EYS: variants seen among roughly 807,000 people sequenced by gnomAD.
The protein encoded by EYS is protein eyes shut homolog.
Under a neutral mutation model 282.1 loss-of-function variants are expected in EYS, and 250 were observed. The ratio of observed to expected loss-of-function variants is 0.89; its 90% CI spans 0.80 to 0.98. The LOEUF is 0.98. Ranked by LOEUF, EYS falls within the 50% of genes least tolerant of loss-of-function variation. EYS has a pLI of 0.00. For synonymous variants in EYS, 1,355 were observed against 1,282.9 expected (o/e 1.06, Z -1.20); for missense variants, 4,016 against 3,709.0 (o/e 1.08, Z -2.15).
At chr6:64,041,924 C>T (rs1477537731) in intron 33 of EYS, among the ~76,000 whole-genome samples, 1 of 152,100 alleles carries the variant, frequency 6.6e-6, no homozygotes, top group African/African-American at 2.4e-5. Flanking sequence ...AGGTTCTTTT[C>T]ACTCTCATCA....
At chr6:65,633,152 T>A (rs1484752686) in intron 2 of EYS, among the ~76,000 whole-genome samples, 1 of 152,226 alleles carries the variant, frequency 6.6e-6, no homozygotes, top group Non-Finnish European at 1.5e-5. Flanking sequence ...GAACTATCCA[T>A]CATAAGATTT....
intron 1 of EYS, among the ~76,000 whole-genome samples, chr6:65,667,308 C>T (rs1768233613): frequency 6.6e-6 from 1 of 151,858 alleles, no homozygotes; most frequent in African/African-American, 2.4e-5. Context: ...CCTTTGTTTA[C>T]AAAACTCATG....
intron 2 of EYS, among the ~76,000 whole-genome samples, chr6:65,521,855 T>C (rs1027987337): frequency 6.6e-6 from 1 of 152,168 alleles, no homozygotes; most frequent in South Asian, 2.1e-4. Context: ...ATATTCCCAG[T>C]GTCTCGTAGG....
Position 65,264,505 on chromosome 6 carries a change from G to T in EYS, c.2023+31358C>A, listed in dbSNP as rs183852383. 2.5e-3 allele frequency among the ~76,000 whole-genome samples: 375 copies of T among 152,120 alleles called. 1 individual carries two copies. Among genetic ancestry groups the T allele is most frequent in the Middle Eastern group, 0.024 (7 of 294 alleles). On this transcript the variant is annotated intron_variant, in intron 12 of 42. Transcript: ENST00000503581. ...CACCTCAGAATAGAAGTACTTCTTT[G>T]TCTCTCCTTAAATAATCAAAATTGT...
chr6:64,120,230 C>T (rs186603564), intron 31 of EYS, among the ~76,000 whole-genome samples: 1 of 151,144 alleles, frequency 6.6e-6, no homozygotes, highest in Admixed American at 6.6e-5. Flanking sequence ...GTGGCGGGCC[C>T]CTGTAGTCCC....
At chr6:64,284,521 G>T (rs2150362906) in intron 30 of EYS, among the ~76,000 whole-genome samples, 1 of 152,222 alleles carries the variant, frequency 6.6e-6, no homozygotes, top group African/African-American at 2.4e-5. Flanking sequence ...TCTGGGGTCT[G>T]GAGGATGACG....
chr6:63,894,628 C>T (rs1562083820), intron 35 of EYS, among the ~76,000 whole-genome samples: 1 of 151,800 alleles, frequency 6.6e-6, no homozygotes, highest in Non-Finnish European at 1.5e-5. Context: ...GTCGCCCAGG[C>T]TGGAGTGCAG....
chr6:63,810,782 C>T (rs1771027552), intron 36 of EYS, among the ~76,000 whole-genome samples: 1 of 152,174 alleles, frequency 6.6e-6, no homozygotes, highest in Non-Finnish European at 1.5e-5. Context: ...AAGTCACTTT[C>T]CCAGCCTCTA....
At chr6:64,296,246 T>G (rs1284398698) in intron 30 of EYS, among the ~76,000 whole-genome samples, 1 of 152,154 alleles carries the variant, frequency 6.6e-6, no homozygotes, top group Non-Finnish European at 1.5e-5. Flanking sequence ...TTTCTCCAAC[T>G]ACTTCAGCAA....
intron 12 of EYS, among the ~76,000 whole-genome samples, chr6:65,161,187 T>A (rs1161409362): frequency 6.6e-6 from 1 of 151,090 alleles, no homozygotes; most frequent in Non-Finnish European, 1.5e-5. Context: ...TCCCCCAGTA[T>A]ACTTGTTAAT....
intron 28 of EYS, among the ~76,000 whole-genome samples, chr6:64,431,738 C>A (rs937715675): frequency 3.3e-5 from 5 of 152,108 alleles, no homozygotes; most frequent in Non-Finnish European, 5.9e-5. Context: ...CATTTTCATA[C>A]CCAATTCTCA....
At chr6:64,108,026 C>T (rs1773089812) in intron 31 of EYS, among the ~76,000 whole-genome samples, 1 of 152,070 alleles carries the variant, frequency 6.6e-6, no homozygotes, top group Non-Finnish European at 1.5e-5. Context: ...AACAGTTTCT[C>T]TTGAGGGTAG....
At chr6:64,459,170 T>A (rs1484453855) in intron 26 of EYS, among the ~76,000 whole-genome samples, 1 of 152,212 alleles carries the variant, frequency 6.6e-6, no homozygotes, top group African/African-American at 2.4e-5. Context: ...TAATTTGAAA[T>A]TAACATGTTT....
intron 22 of EYS, among the ~76,000 whole-genome samples, chr6:64,674,374 T>C (rs1307316543): frequency 6.7e-6 from 1 of 149,802 alleles, no homozygotes. Context: ...CATTTTTTTT[T>C]CTTATGTGAT....
intron 22 of EYS, among the ~76,000 whole-genome samples, chr6:64,757,767 T>A (rs1179077918): frequency 6.6e-6 from 1 of 151,396 alleles, no homozygotes; most frequent in African/African-American, 2.4e-5. Flanking sequence ...TGTGTGTGTG[T>A]GTGTGTGTGT....
rs1302120057 is a variant in EYS, at chr6:64,390,784, G to C, written c.5928-1944C>G. Among the ~76,000 whole-genome samples, 3 of 149,080 alleles carry C rather than the reference G, an allele frequency of 2.0e-5. No individual in the cohort carries two copies. In the East Asian group the frequency reaches 5.9e-4, roughly 29 times the overall value. ...ACAAAGCTGGATGGAGAATGACTTT[G>C]ACGAGCTGAGAGAAGAAGGCTTCAG... On this transcript the variant is annotated intron_variant, in intron 28 of 42. Transcript: ENST00000503581.
intron 32 of EYS, 109 bp from the exon 33 acceptor site, chr6:64,066,600 G>T: frequency 1.4e-6 from 1 of 723,572 alleles, no homozygotes; most frequent in Non-Finnish European, 2.2e-6. Flanking sequence ...TAGGGGGTTG[G>T]TAGGAGTGCT....
At chr6:64,503,010 T>C (rs1194306426) in intron 26 of EYS, among the ~76,000 whole-genome samples, 1 of 152,210 alleles carries the variant, frequency 6.6e-6, no homozygotes, top group African/African-American at 2.4e-5. Flanking sequence ...TTGCCAAATA[T>C]GTTGTTGCCA....
chr6:65,118,526 A>C (rs1019998910), intron 12 of EYS, among the ~76,000 whole-genome samples: 7 of 152,284 alleles, frequency 4.6e-5, no homozygotes, highest in Admixed American at 3.9e-4. Context: ...GCCCTTTGGC[A>C]TCACATGTGT....
Sources: gnomAD v4.1 joint callset for allele counts (sites outside exome capture counted in the v4.1 genomes callset) on GRCh38, gnomAD v4.1.1 for gene constraint, MANE v1.5 for transcripts, NCBI Gene and HGNC (gene_info 2026-07-23, HGNC 2026-07-21) for gene names.